The following NIPBL variants were observed in gnomAD, a reference collection of about 807,000 sequenced individuals.
The protein encoded by NIPBL is nipped-B-like protein.
Under a neutral mutation model 321.8 loss-of-function variants are expected in NIPBL, and 19 were observed. That is an observed-to-expected ratio of 0.06 (90% CI 0.04 to 0.09). NIPBL has a LOEUF of 0.09. NIPBL is among the 10% of genes least tolerant of loss of function. NIPBL has a pLI of 1.00. For missense variants in NIPBL, 2,210 were observed against 3,327.0 expected (o/e 0.66, Z 8.26); for synonymous variants, 1,106 against 1,114.1 (o/e 0.99, Z 0.14).
chr5:36,933,244 C>T (rs961118912), intron 1 of NIPBL, among the ~76,000 whole-genome samples: 3 of 151,934 alleles, frequency 2.0e-5, no homozygotes, highest in African/African-American at 7.2e-5. Context: ...ATATTGAATT[C>T]TGTTACGAGT....
intron 9 of NIPBL, among the ~76,000 whole-genome samples, chr5:36,981,757 A>G (rs1006690049): frequency 6.6e-6 from 1 of 151,708 alleles, no homozygotes; most frequent in African/African-American, 2.4e-5. Flanking sequence ...GTTAGCAAGT[A>G]TAAGGAATGG....
chr5:36,907,053 GT>G (rs1031198209), intron 1 of NIPBL, among the ~76,000 whole-genome samples: 1 of 152,100 alleles, frequency 6.6e-6, no homozygotes, highest in Non-Finnish European at 1.5e-5. Flanking sequence ...TACTTGTTTA[GT>G]TTTTCCGGGT....
intron 1 of NIPBL, among the ~76,000 whole-genome samples, chr5:36,924,071 T>C (rs902140636): frequency 6.6e-6 from 1 of 152,184 alleles, no homozygotes; most frequent in Non-Finnish European, 1.5e-5. Flanking sequence ...TTCTTATTTG[T>C]TAACATGATT....
chr5:37,023,515 T>C (rs1749891108), intron 29 of NIPBL, among the ~76,000 whole-genome samples: 1 of 152,176 alleles, frequency 6.6e-6, no homozygotes, highest in African/African-American at 2.4e-5. Context: ...CATTTTTTAC[T>C]TCTTTTCTTG....
intron 36 of NIPBL, 32 bp from the exon 37 acceptor site, chr5:37,045,411 T>C (rs1373657580): frequency 6.8e-7 from 1 of 1,480,414 alleles, no homozygotes. Context: ...CAAAGATAAA[T>C]ATTATAAGTA....
intron 46 of NIPBL, chr5:37,064,306 A>T: frequency 7.1e-7 from 1 of 1,406,850 alleles, no homozygotes; most frequent in South Asian, 1.6e-5. Context: ...ATATATCAAT[A>T]AGAGTAAAGA....
intron 1 of NIPBL, among the ~76,000 whole-genome samples, chr5:36,901,500 CTTTTTTTTTT>C (rs35178851): frequency 8.1e-4 from 63 of 77,456 alleles, no homozygotes; most frequent in African/African-American, 3.4e-3. Flanking sequence ...CTTCTAAGTC[CTTTTTTTTTT>C]TTTTTTTTTT....
chr5:36,952,053 TGC>T (rs1554010277), intron 1 of NIPBL, among the ~76,000 whole-genome samples: 8,189 of 112,100 alleles, frequency 0.073, 315 homozygotes, highest in Admixed American at 0.13. Flanking sequence ...TGTGTGTGTG[TGC>T]GCGCGCGCGC....
rs1380077191 is a variant in NIPBL, at chr5:36,984,979, C to T, written c.1799C>T (p.Pro600Leu). The change falls in exon 10 of 47, where the codon CCT (proline) becomes CTT (leucine). Residue 600 changes from proline to leucine, a missense_variant. Physicochemically the swap from Pro to Leu is moderately conservative, Grantham distance 98 (BLOSUM62 -3). Coordinates refer to ENST00000282516, the MANE Select transcript of NIPBL (RefSeq NM_133433.4). ...ACACCAGAAAACCATCCTGAGACAC[C>T]TAAAAAAAAGTCTGATCCTGAGCTT... ...KSTPENHPETPKKKSDPELSK... is the reference protein window; with the variant it reads ...KSTPENHPETLKKKSDPELSK... The T allele has an allele frequency of 1.2e-6, 2 of 1,613,482 alleles. No individual in the cohort carries two copies. The highest frequency in any genetic ancestry group is 3.3e-5 in the Admixed American group (2 of 59,860).
intron 32 of NIPBL, among the ~76,000 whole-genome samples, chr5:37,032,110 C>G (rs1318596688): frequency 6.6e-6 from 1 of 152,182 alleles, no homozygotes; most frequent in Non-Finnish European, 1.5e-5. Flanking sequence ...TAGAGCCCAT[C>G]ATTCTGTATT....
chr5:36,891,948 C>G (rs1397806587), intron 1 of NIPBL, among the ~76,000 whole-genome samples: 2 of 151,898 alleles, frequency 1.3e-5, no homozygotes, highest in Admixed American at 6.6e-5. Flanking sequence ...TCCTTGATTC[C>G]CAAGTTTCAT....
chr5:37,012,842 TAA>T (rs1748335571), intron 21 of NIPBL, among the ~76,000 whole-genome samples: 1 of 152,146 alleles, frequency 6.6e-6, no homozygotes, highest in African/African-American at 2.4e-5. Context: ...CAGAACAAAA[TAA>T]AAAGTCTCCC....
At chr5:37,063,010 G>T (rs1411284294) in intron 45 of NIPBL, among the ~76,000 whole-genome samples, 1 of 151,504 alleles carries the variant, frequency 6.6e-6, no homozygotes, top group Non-Finnish European at 1.5e-5. Flanking sequence ...AAATGTTTTT[G>T]AAATTAGAGG....
chr5:36,933,481 T>C (rs1749934351), intron 1 of NIPBL, among the ~76,000 whole-genome samples: 1 of 152,100 alleles, frequency 6.6e-6, no homozygotes. Context: ...GAGACATTTT[T>C]TATTTCTGGA....
At chr5:36,953,156 A>T (rs1446348925) in intron 1 of NIPBL, among the ~76,000 whole-genome samples, 1 of 152,142 alleles carries the variant, frequency 6.6e-6, no homozygotes, top group Non-Finnish European at 1.5e-5. Flanking sequence ...ATATAGGATA[A>T]TGATAAAAGA....
chr5:36,897,749 G>A (rs1426907654), intron 1 of NIPBL, among the ~76,000 whole-genome samples: 1 of 152,090 alleles, frequency 6.6e-6, no homozygotes, highest in Non-Finnish European at 1.5e-5. Flanking sequence ...ATTTGTTGCG[G>A]AAATAAATAA....
At chr5:37,000,286 T>G (rs1238492999) in intron 11 of NIPBL, 87 bp from the exon 12 acceptor site, 1 of 1,310,516 alleles carries the variant, frequency 7.6e-7, no homozygotes, top group African/African-American at 1.5e-5. Flanking sequence ...TGAAGATTTT[T>G]TTCCCCATGT....
At chr5:37,038,021 ACT>A (rs1751911378) in intron 33 of NIPBL, among the ~76,000 whole-genome samples, 1 of 120,996 alleles carries the variant, frequency 8.3e-6, no homozygotes, top group Non-Finnish European at 1.6e-5. Context: ...ACAGGGTCTC[ACT>A]CTGTCACCCA....
intron 1 of NIPBL, among the ~76,000 whole-genome samples, chr5:36,895,642 G>T (rs556038882): frequency 6.6e-6 from 1 of 152,256 alleles, no homozygotes; most frequent in East Asian, 1.9e-4. Flanking sequence ...CTGTCTGATT[G>T]TATTGGTCCT....
Sources: gnomAD v4.1 joint callset for allele counts (sites outside exome capture counted in the v4.1 genomes callset) on GRCh38, gnomAD v4.1.1 for gene constraint, MANE v1.5 for transcripts, NCBI Gene and HGNC (gene_info 2026-07-23, HGNC 2026-07-21) for gene names.